The following FAM227B variants were observed in gnomAD, a reference collection of about 807,000 sequenced individuals.
FAM227B encodes the protein family with sequence similarity 227 member B.
Under a neutral mutation model 73.8 loss-of-function variants are expected in FAM227B, and 88 were observed. The observed-to-expected ratio is 1.19, with a 90% CI of 1.00 to 1.42. FAM227B has a LOEUF of 1.42. Among genes scored for constraint, FAM227B ranks in the 40% most tolerant of loss-of-function variants. The pLI is 0.00. For synonymous variants in FAM227B, 210 were observed against 190.5 expected (o/e 1.10, Z -0.84); for missense variants, 632 against 590.9 (o/e 1.07, Z -0.72).
intron 8 of FAM227B, among the ~76,000 whole-genome samples, chr15:49,570,949 T>C (rs934478659): frequency 6.7e-6 from 1 of 148,638 alleles, no homozygotes; most frequent in African/African-American, 2.4e-5. Context: ...TATATAATTA[T>C]ATACCAAATC....
intron 11 of FAM227B, chr15:49,485,380 T>C (rs1275856160): frequency 6.6e-6 from 1 of 152,468 alleles, no homozygotes; most frequent in Non-Finnish European, 1.5e-5. Flanking sequence ...TTCCCACAAA[T>C]AATCATGCTT....
chr15:49,596,564 G>GA (rs1368710773), intron 3 of FAM227B, among the ~76,000 whole-genome samples: 5 of 150,948 alleles, frequency 3.3e-5, no homozygotes, highest in Admixed American at 2.0e-4. Context: ...ATAACACAAA[G>GA]AAAAAAAACC....
chr15:49,366,626 A>T, intron 13 of FAM227B: 1 of 1,587,674 alleles, frequency 6.3e-7, no homozygotes, highest in Non-Finnish European at 8.6e-7. Context: ...TGTCAGCTGG[A>T]GCAGGAAGCC....
chr15:49,395,035 C>T (rs560644228), intron 11 of FAM227B, among the ~76,000 whole-genome samples: 14 of 152,180 alleles, frequency 9.2e-5, no homozygotes, highest in Admixed American at 5.2e-4. Context: ...ATTGTTGTTA[C>T]GGATTTGTCA....
At position 49,613,864 on chromosome 15, in the gene FAM227B, A is replaced by T. The variant is rs1057342707; in HGVS notation, c.51+1257T>A. ...GAAGAACATGTTATGGGAAACAGGG[A>T]ACTCTAGAGCTAGTCAAATTGAAAA... On this transcript the variant is annotated intron_variant, in intron 2 of 15. Transcript: ENST00000299338. Among the ~76,000 whole-genome samples, 17 of 152,318 alleles carry T rather than the reference A, an allele frequency of 1.1e-4. 1 individual carries two copies. The highest frequency in any genetic ancestry group is 8.5e-4 in the Admixed American group (13 of 15,298).
intron 3 of FAM227B, among the ~76,000 whole-genome samples, chr15:49,596,944 CT>C (rs1157285692): frequency 6.6e-6 from 1 of 151,910 alleles, no homozygotes; most frequent in Non-Finnish European, 1.5e-5. Flanking sequence ...ATATATGCAC[CT>C]AAAACTGCAG....
chr15:49,549,988 G>A (rs1189450339), intron 9 of FAM227B, among the ~76,000 whole-genome samples: 4 of 113,732 alleles, frequency 3.5e-5, no homozygotes, highest in East Asian at 2.6e-4. Flanking sequence ...CCTCCCAGAC[G>A]GGGCGGCTGG....
chr15:49,489,889 G>GTT, intron 11 of FAM227B, among the ~76,000 whole-genome samples: 1 of 21,526 alleles, frequency 4.6e-5, no homozygotes, highest in Non-Finnish European at 1.2e-4. Flanking sequence ...TATATAGAGA[G>GTT]AGAGAGAGAG....
intron 13 of FAM227B, among the ~76,000 whole-genome samples, chr15:49,342,078 G>A (rs2040822958): frequency 6.6e-6 from 1 of 152,054 alleles, no homozygotes. Flanking sequence ...CAAGTCCTGA[G>A]TTTTTTTGTT....
intron 10 of FAM227B, among the ~76,000 whole-genome samples, chr15:49,527,890 G>A (rs1396425332): frequency 6.6e-6 from 1 of 151,716 alleles, no homozygotes; most frequent in South Asian, 2.1e-4. Context: ...CCATATTTAC[G>A]GGTTGTAAGA....
At chr15:49,616,137 C>T (rs1373347584) in intron 1 of FAM227B, among the ~76,000 whole-genome samples, 1 of 152,154 alleles carries the variant, frequency 6.6e-6, no homozygotes, top group African/African-American at 2.4e-5. Context: ...CATGCCCCCA[C>T]CCCAAATTCA....
At chr15:49,583,641 T>C (rs1334983557) in intron 5 of FAM227B, among the ~76,000 whole-genome samples, 1 of 147,198 alleles carries the variant, frequency 6.8e-6, no homozygotes, top group Non-Finnish European at 1.5e-5. Flanking sequence ...TTAATAAACT[T>C]GCTTTCACTT....
intron 8 of FAM227B, among the ~76,000 whole-genome samples, chr15:49,573,361 T>C (rs1208980101): frequency 2.6e-5 from 4 of 152,170 alleles, no homozygotes; most frequent in Admixed American, 1.3e-4. Context: ...TTAGCAACTG[T>C]TTAATGTGGA....
chr15:49,554,696 G>T (rs1013846338), intron 9 of FAM227B, among the ~76,000 whole-genome samples: 1 of 152,154 alleles, frequency 6.6e-6, no homozygotes, highest in Non-Finnish European at 1.5e-5. Context: ...ATTCCAGACT[G>T]CTTTTCCTAT....
In FAM227B at chr15:49,518,162, T is replaced by A. The variant is rs141803283; in HGVS notation, c.875-9814A>T. Among the ~76,000 whole-genome samples the A allele has an allele frequency of 3.5e-3, 530 of 152,304 alleles. 12 individuals are homozygous for A. Among genetic ancestry groups the A allele is most frequent in the Admixed American group, 0.025 (382 of 15,296 alleles). The stretch of plus-strand genomic sequence containing the variant: ...AGGGCATGTACCTGGAAGTCATACA[T>A]ATTCTGTGACAAAAGTATGCATATG... On this transcript the variant is annotated intron_variant, in intron 10 of 15. Transcript: ENST00000299338.
intron 3 of FAM227B, among the ~76,000 whole-genome samples, chr15:49,608,965 G>A (rs1406287771): frequency 6.6e-6 from 1 of 151,982 alleles, no homozygotes; most frequent in Non-Finnish European, 1.5e-5. Context: ...AAGTGTGACA[G>A]TAAAGAGAGA....
chr15:49,331,802 A>G lies in FAM227B; in HGVS notation c.1397T>C (p.Phe466Ser), dbSNP rs927522531. ...TACCAGTTTATGTAGGAACTTCTCAAAGTCCTGTTTCACTTCATGAGGTTT... is the reference window on the plus strand; with the variant it reads ...TACCAGTTTATGTAGGAACTTCTCAGAGTCCTGTTTCACTTCATGAGGTTT... ...TKKPHEVKQD[F>S]EKFLHKLRSE... Residue 466 changes from phenylalanine to serine, a missense_variant, in exon 15 of 16, where the codon TTT becomes TCT. By Grantham distance (155) the Phe-to-Ser change is radical. Transcript: ENST00000299338. 2 of 1,610,180 alleles carry G rather than the reference A, an allele frequency of 1.2e-6. No homozygotes were observed. Among genetic ancestry groups the G allele is most frequent in the Non-Finnish European group, 1.7e-6 (2 of 1,176,600 alleles).
chr15:49,438,426 A>C (rs2051306988), intron 11 of FAM227B, among the ~76,000 whole-genome samples: 1 of 151,736 alleles, frequency 6.6e-6, no homozygotes, highest in East Asian at 1.9e-4. Flanking sequence ...CCAGTCTTTG[A>C]TACAGGGATT....
At chr15:49,524,563 A>G (rs1185839816) in intron 10 of FAM227B, among the ~76,000 whole-genome samples, 1 of 152,212 alleles carries the variant, frequency 6.6e-6, no homozygotes, top group African/African-American at 2.4e-5. Context: ...CAGAGTCCCT[A>G]TTGGGGCACT....
Sources: gnomAD v4.1 joint callset for allele counts (sites outside exome capture counted in the v4.1 genomes callset) on GRCh38, gnomAD v4.1.1 for gene constraint, MANE v1.5 for transcripts, NCBI Gene and HGNC (gene_info 2026-07-23, HGNC 2026-07-21) for gene names.